Variants in GRIA4 observed in about 807,000 individuals in gnomAD.
The protein encoded by GRIA4 is glutamate ionotropic receptor AMPA type subunit 4, also known as glutamate receptor 4.
GRIA4 carries 34 observed loss-of-function variants against 104.0 expected under a neutral mutation model. That is an observed-to-expected ratio of 0.33 (90% CI 0.25 to 0.44). The LOEUF (loss-of-function observed/expected upper bound fraction) is 0.44, where lower values mean the gene tolerates loss of function less well. Among genes scored for constraint, GRIA4 ranks in the 20% least tolerant of loss-of-function variants. The probability of loss-of-function intolerance (pLI) is 1.00; values close to 1 mark genes in which losing one functional copy is unlikely to be tolerated. For missense variants in GRIA4, 750 were observed against 1,096.5 expected (o/e 0.68, Z 4.46); for synonymous variants, 386 against 381.9 (o/e 1.01, Z -0.13).
intron 13 of GRIA4, among the ~76,000 whole-genome samples, chr11:105,927,384 A>G (rs1461741633): frequency 6.6e-6 from 1 of 152,118 alleles, no homozygotes; most frequent in Non-Finnish European, 1.5e-5. Context: ...TATGAGTTAT[A>G]TTATTCTATA....
intron 13 of GRIA4, among the ~76,000 whole-genome samples, chr11:105,931,721 A>G (rs959317086): frequency 4.6e-5 from 7 of 152,070 alleles, no homozygotes; most frequent in South Asian, 2.1e-4. Flanking sequence ...CAAAAAAAAA[A>G]TGAATATAGT....
intron 3 of GRIA4, among the ~76,000 whole-genome samples, chr11:105,658,907 A>G (rs1007757265): frequency 2.0e-5 from 3 of 152,012 alleles, no homozygotes; most frequent in Non-Finnish European, 2.9e-5. Flanking sequence ...TCAAGATGAC[A>G]GACAGACTGA....
intron 3 of GRIA4, among the ~76,000 whole-genome samples, chr11:105,724,491 T>C (rs1938060651): frequency 6.6e-6 from 1 of 151,948 alleles, no homozygotes; most frequent in Non-Finnish European, 1.5e-5. Flanking sequence ...CACAGCAATA[T>C]GGATGGAAGT....
intron 3 of GRIA4, among the ~76,000 whole-genome samples, chr11:105,643,491 T>C (rs1951430362): frequency 6.6e-6 from 1 of 152,198 alleles, no homozygotes; most frequent in South Asian, 2.1e-4. Context: ...CTTTATGATT[T>C]ACTCAGGGAT....
chr11:105,887,016 T>G (rs191075714), intron 5 of GRIA4, among the ~76,000 whole-genome samples: 1 of 152,134 alleles, frequency 6.6e-6, no homozygotes, highest in Admixed American at 6.5e-5. Flanking sequence ...ATTCACTAAA[T>G]ATTTTCTGGT....
intron 5 of GRIA4, among the ~76,000 whole-genome samples, chr11:105,878,003 A>G (rs937703875): frequency 6.6e-6 from 1 of 152,066 alleles, no homozygotes; most frequent in Admixed American, 6.5e-5. Flanking sequence ...TGGTTTTTGG[A>G]ATTTTCAGCC....
At chr11:105,923,461 A>G (rs2136192833) in intron 11 of GRIA4, among the ~76,000 whole-genome samples, 1 of 152,276 alleles carries the variant, frequency 6.6e-6, no homozygotes, top group African/African-American at 2.4e-5. Flanking sequence ...TGATAAACAT[A>G]TGATTCTTAT....
At position 105,682,061 on chromosome 11, in the gene GRIA4, TAAC is replaced by T. The variant is rs144579905; in HGVS notation, c.247+69630_247+69632del. Among the ~76,000 whole-genome samples, 1,202 of 152,066 alleles carry T rather than the reference TAAC, an allele frequency of 7.9e-3. 15 individuals are homozygous for T. The highest frequency in any genetic ancestry group is 0.044 in the East Asian group (227 of 5,182). Reference sequence around the variant, plus strand: ...TCTAATATAATAATAATAATAATAATAACAATTTCATTGATTTCTGTTTTCTTG... The same window carrying T: ...TCTAATATAATAATAATAATAATAATAATTTCATTGATTTCTGTTTTCTTG... On this transcript the variant is annotated intron_variant, in intron 3 of 16. Coordinates refer to ENST00000282499, the MANE Select transcript of GRIA4 (RefSeq NM_000829.4).
intron 5 of GRIA4, among the ~76,000 whole-genome samples, chr11:105,876,019 T>C (rs763674117): frequency 2.0e-5 from 3 of 152,218 alleles, no homozygotes; most frequent in Non-Finnish European, 2.9e-5. Context: ...GTGTCGATTT[T>C]AGATCTTTAC....
intron 4 of GRIA4, among the ~76,000 whole-genome samples, chr11:105,802,090 C>T (rs1942742284): frequency 1.3e-5 from 2 of 152,050 alleles, no homozygotes; most frequent in Non-Finnish European, 2.9e-5. Flanking sequence ...GATGCGGCCA[C>T]ATCAAAGAGA....
At chr11:105,808,694 A>G (rs986574095) in intron 4 of GRIA4, among the ~76,000 whole-genome samples, 1 of 152,088 alleles carries the variant, frequency 6.6e-6, no homozygotes, top group Non-Finnish European at 1.5e-5. Flanking sequence ...CCCTAAATAT[A>G]AATAAGTACA....
intron 13 of GRIA4, among the ~76,000 whole-genome samples, chr11:105,931,922 T>G (rs1393040553): frequency 2.0e-5 from 3 of 152,170 alleles, no homozygotes; most frequent in Admixed American, 1.3e-4. Flanking sequence ...ATATGTTGAT[T>G]AGTAAAGAAC....
rs541293911 is a variant in GRIA4, at chr11:105,919,027, A to G, written c.1476+109A>G. 8.2e-4 allele frequency: 560 copies of G among 682,474 alleles called. 5 individuals are homozygous for G. The South Asian group carries it at 9.2e-3, about 11-fold the overall frequency. The allele number at this position is 682,474 out of a possible 1,614,324, so 42.3% of individuals were successfully genotyped here. A position where few individuals can be genotyped will look rare whatever the true frequency, so the allele number is the denominator to read the frequency against. On this transcript the variant is annotated intron_variant, in intron 11 of 16. Transcript: ENST00000282499. The stretch of plus-strand genomic sequence containing the variant: ...CTATTATTGTTTAATTTGCAGCAAC[A>G]TTCCAAGAGGCACATACAGTGTTTA...
chr11:105,964,372 A>C (rs930287771), intron 14 of GRIA4, among the ~76,000 whole-genome samples: 1 of 152,252 alleles, frequency 6.6e-6, no homozygotes, highest in Non-Finnish European at 1.5e-5. Flanking sequence ...CAAGTGGATC[A>C]GATCATCACA....
intron 3 of GRIA4, among the ~76,000 whole-genome samples, chr11:105,624,278 G>T (rs1454498879): frequency 6.6e-6 from 1 of 152,064 alleles, no homozygotes; most frequent in Non-Finnish European, 1.5e-5. Context: ...AATTCTAGGT[G>T]CATATAACAT....
In GRIA4 at chr11:105,828,686, G is replaced by C. The variant is rs1404618106; in HGVS notation, c.488-33338G>C. On this transcript the variant is annotated intron_variant, in intron 4 of 16. Transcript: ENST00000282499. ...ATAAAAAAAAAAAAAAGAGTATGAG[G>C]CTTTCAGACTTTCACTCTTTGTGAG... is the stretch of plus-strand genomic sequence containing the variant. Among the ~76,000 whole-genome samples the C allele has an allele frequency of 2.6e-5, 4 of 151,614 alleles. No individual in the cohort carries two copies. In the East Asian group the frequency reaches 7.8e-4, roughly 29 times the overall value.
chr11:105,735,519 TCTCC>T (rs1190579707), intron 3 of GRIA4, among the ~76,000 whole-genome samples: 1 of 152,178 alleles, frequency 6.6e-6, no homozygotes, highest in Non-Finnish European at 1.5e-5. Context: ...ACAGGTCTCC[TCTCC>T]CTGTAGCAGC....
At chr11:105,874,066 T>C (rs535714024) in intron 5 of GRIA4, among the ~76,000 whole-genome samples, 2 of 152,344 alleles carry the variant, frequency 1.3e-5, no homozygotes, top group South Asian at 4.1e-4. Context: ...TGTTTAAGTC[T>C]TTAATCCATC....
At chr11:105,819,098 A>G (rs1426562790) in intron 4 of GRIA4, among the ~76,000 whole-genome samples, 1 of 152,128 alleles carries the variant, frequency 6.6e-6, no homozygotes, top group African/African-American at 2.4e-5. Context: ...TTAGTATATA[A>G]TTTGTCCTTT....
Sources: gnomAD v4.1 joint callset for allele counts (sites outside exome capture counted in the v4.1 genomes callset) on GRCh38, gnomAD v4.1.1 for gene constraint, MANE v1.5 for transcripts, NCBI Gene and HGNC (gene_info 2026-07-23, HGNC 2026-07-21) for gene names.